Variants in PHACTR2 observed in about 807,000 individuals in gnomAD.
PHACTR2 encodes the protein chromosome 6 open reading frame 56.
A neutral mutation model predicts 76.0 loss-of-function variants in PHACTR2; 30 were observed. The ratio of observed to expected loss-of-function variants is 0.39; its 90% confidence interval spans 0.30 to 0.54. The LOEUF is 0.54. Among genes scored for constraint, PHACTR2 ranks in the 20% least tolerant of loss-of-function variants. PHACTR2 has a pLI of 0.61. For missense variants in PHACTR2, 696 were observed against 781.1 expected, an observed-to-expected ratio of 0.89 and a Z score of 1.30; for synonymous variants, 292 against 292.5, an observed-to-expected ratio of 1.00 and a Z score of 0.02.
At chr6:143,674,540 G>A (rs1367720569), upstream of PHACTR2, among the ~76,000 whole-genome samples, 1 of 151,946 alleles carries the variant, frequency 6.6e-6, no homozygotes, top group African/African-American at 2.4e-5. The surrounding 1 kb of genome is among the most constrained non-coding windows in gnomAD (Gnocchi z 4.9). Flanking sequence ...CTTGTATATG[G>A]CCACTATCAA....
At chr6:143,576,834 C>A (rs557312487) in intron 1 of PHACTR2, among the ~76,000 whole-genome samples, 26 of 139,258 alleles carry the variant, frequency 1.9e-4, no homozygotes, top group African/African-American at 6.2e-4. Context: ...CGAACTCGTA[C>A]CACTACACTC....
chr6:143,688,705 A>G lies in PHACTR2; in HGVS notation c.46+10496A>G, dbSNP rs1244288922. ...CTCTTCCCAAATATATCTCAAGTCC[A>G]TGCTCTTCCGTCTGTCCCTACTGCC... is the stretch of plus-strand genomic sequence containing the variant. On this transcript the variant is annotated intron_variant, in intron 1 of 12. Transcript: ENST00000440869. This position sits in a 1 kb window ranked among gnomAD's most constrained non-coding sequence, Gnocchi z 5.2. 6.6e-6 allele frequency among the ~76,000 whole-genome samples: 1 copy of G among 152,062 alleles called. No homozygotes were observed. The highest frequency in any genetic ancestry group is 2.4e-5 in the African/African-American group (1 of 41,412).
rs1775132999 is a variant in PHACTR2 at position 143,554,097 on chromosome 6, A to C, written c.217+16890A>C. 6.6e-6 allele frequency among the ~76,000 whole-genome samples: 1 copy of C among 152,178 alleles called. No individual in the cohort carries two copies. Among genetic ancestry groups the C allele is most frequent in the African/African-American group, 2.4e-5 (1 of 41,440 alleles). On this transcript the variant is annotated intron_variant, in intron 1 of 11. Transcript: ENST00000367584. The surrounding 1 kb of genome is among the most constrained non-coding windows in gnomAD (Gnocchi z 5.9). The stretch of plus-strand genomic sequence containing the variant: ...AGGGGCATCATGTTTTTTGATACAA[A>C]TGTAGAAAGCAAAGTTTGGGAGATA...
At chr6:143,715,266 C>T (rs759393575) in intron 2 of PHACTR2, among the ~76,000 whole-genome samples, 3 of 152,188 alleles carry the variant, frequency 2.0e-5, no homozygotes, top group Non-Finnish European at 4.4e-5. Context: ...CAAAAGCTAC[C>T]ATTGTCTTGT....
intron 2 of PHACTR2, among the ~76,000 whole-genome samples, chr6:143,740,503 T>C (rs1275338115): frequency 5.3e-4 from 4 of 7,488 alleles, no homozygotes; most frequent in African/African-American, 2.3e-3. Context: ...AAACATCCTT[T>C]TAATTAAAAA....
Position 143,777,447 on chromosome 6 carries a change from A to G in PHACTR2, c.1645+64A>G. ...CGCTAACAAGCTGCCTCTACAGATG[A>G]TCGATTTATCAGTAAGAAACCATCA... On this transcript the variant is annotated intron_variant, in intron 9 of 12. Coordinates refer to ENST00000440869, the MANE Select transcript of PHACTR2 (RefSeq NM_001100164.2). This position sits in a 1 kb window ranked among gnomAD's most constrained non-coding sequence, Gnocchi z 4.6. The G allele has an allele frequency of 1.3e-6, 1 of 778,864 alleles. No individual in the cohort carries two copies. The highest frequency in any genetic ancestry group is 2.1e-6 in the Non-Finnish European group (1 of 484,136). 48.2% of individuals were successfully genotyped at this position (778,864 alleles called of 1,614,324 possible). A position where few individuals can be genotyped will look rare whatever the true frequency, so the allele number is the denominator to read the frequency against.
Position 143,791,417 on chromosome 6 carries a change from C to A in PHACTR2, c.1845+2507C>A, listed in dbSNP as rs1379783279. 6.6e-6 allele frequency among the ~76,000 whole-genome samples: 1 copy of A among 152,150 alleles called. No individual in the cohort carries two copies. Among genetic ancestry groups the A allele is most frequent in the African/African-American group, 2.4e-5 (1 of 41,426 alleles). On this transcript the variant is annotated intron_variant, in intron 11 of 12. Coordinates refer to ENST00000440869, the MANE Select transcript of PHACTR2 (RefSeq NM_001100164.2). This position sits in a 1 kb window ranked among gnomAD's most constrained non-coding sequence, Gnocchi z 4.7. Reference sequence around the variant, plus strand: ...AACCTTGGCTACAAATTGGAATCACCTATAGATCTTTAAGAATGTGGATGT... The same window carrying A: ...AACCTTGGCTACAAATTGGAATCACATATAGATCTTTAAGAATGTGGATGT...
chr6:143,573,963 A>T (rs1052989523), intron 1 of PHACTR2, among the ~76,000 whole-genome samples: 3 of 152,216 alleles, frequency 2.0e-5, no homozygotes, highest in Non-Finnish European at 4.4e-5. Flanking sequence ...TGGCTGAAAC[A>T]AGTTACAGGT....
chr6:143,778,018 T>TA (rs1444193840), intron 9 of PHACTR2, among the ~76,000 whole-genome samples: 5 of 152,338 alleles, frequency 3.3e-5, no homozygotes, highest in South Asian at 4.1e-4. Flanking sequence ...GTTAGTATGT[T>TA]AAAGCTATAA....
At chr6:143,609,460 G>C (rs1271311759) in intron 1 of PHACTR2, among the ~76,000 whole-genome samples, 1 of 152,130 alleles carries the variant, frequency 6.6e-6, no homozygotes, top group Non-Finnish European at 1.5e-5. Flanking sequence ...CAAGTGTAAG[G>C]ATGTGTGTGT....
At chr6:143,805,765 T>C (rs1258724897) in intron 11 of PHACTR2, among the ~76,000 whole-genome samples, 1 of 152,188 alleles carries the variant, frequency 6.6e-6, no homozygotes, top group Non-Finnish European at 1.5e-5. Flanking sequence ...CCATAGAAAC[T>C]ACAGGGGCTG....
intron 1 of PHACTR2, among the ~76,000 whole-genome samples, chr6:143,579,680 A>T (rs1432007107): frequency 6.6e-6 from 1 of 152,074 alleles, no homozygotes; most frequent in Non-Finnish European, 1.5e-5. Flanking sequence ...GGTGGCCTGG[A>T]GGAGAAGACC....
chr6:143,692,864 A>C (rs995233277), intron 1 of PHACTR2, among the ~76,000 whole-genome samples: 16 of 152,240 alleles, frequency 1.1e-4, no homozygotes, highest in Non-Finnish European at 2.1e-4. Flanking sequence ...ACCATACCAC[A>C]GACTGAGTGG....
chr6:143,548,087 A>G lies in PHACTR2; in HGVS notation c.217+10880A>G, dbSNP rs1231459401. The stretch of plus-strand genomic sequence containing the variant: ...CTCTTATTATGTCTCACAGTTCTGG[A>G]GGCTGGAAGTTCAAGATCAAGACAC... On this transcript the variant is annotated intron_variant, in intron 1 of 11. Coordinates refer to the PHACTR2 transcript ENST00000367584. The surrounding 1 kb of genome is among the most constrained non-coding windows in gnomAD (Gnocchi z 4.5). Among the ~76,000 whole-genome samples the G allele has an allele frequency of 2.0e-5, 3 of 152,152 alleles. No individual in the cohort carries two copies. The highest frequency in any genetic ancestry group is 1.3e-4 in the Admixed American group (2 of 15,266).
At position 143,734,385 on chromosome 6, in the gene PHACTR2, T is replaced by A. The variant is rs184834441; in HGVS notation, c.215-14600T>A. On this transcript the variant is annotated intron_variant, in intron 2 of 12. Coordinates refer to ENST00000440869, the MANE Select transcript of PHACTR2 (RefSeq NM_001100164.2). ...ACATTCTGGAAAAAGTGGGATATTGTGTTTAATCCAAGCCGAGCTCTGGAT... is the reference window on the plus strand; with the variant it reads ...ACATTCTGGAAAAAGTGGGATATTGAGTTTAATCCAAGCCGAGCTCTGGAT... Among the ~76,000 whole-genome samples, 529 of 152,308 alleles carry A rather than the reference T, an allele frequency of 3.5e-3. 5 individuals carry two copies. Among genetic ancestry groups the A allele is most frequent in the Non-Finnish European group, 3.5e-3 (235 of 68,022 alleles).
In PHACTR2 at chr6:143,619,623, C is replaced by G. The variant is rs1043133505; in HGVS notation, c.13+11301C>G. Among the ~76,000 whole-genome samples the G allele has an allele frequency of 6.6e-6, 1 of 152,160 alleles. No homozygotes were observed. Among genetic ancestry groups the G allele is most frequent in the African/African-American group, 2.4e-5 (1 of 41,428 alleles). Reference sequence around the variant, plus strand: ...TTCCTCCACTTACTGTGGAAAGGGACTCGGTAGCTTTTGTATCATTAACTG... The same window carrying G: ...TTCCTCCACTTACTGTGGAAAGGGAGTCGGTAGCTTTTGTATCATTAACTG... On this transcript the variant is annotated intron_variant, in intron 1 of 11. Coordinates refer to the PHACTR2 transcript ENST00000305766. The surrounding 1 kb of genome is among the most constrained non-coding windows in gnomAD (Gnocchi z 4.5).
intron 1 of PHACTR2, 25 bp from the exon 2 acceptor site, chr6:143,711,991 T>C: frequency 6.2e-7 from 1 of 1,601,126 alleles, no homozygotes; most frequent in Non-Finnish European, 8.5e-7. Flanking sequence ...ACAACCTTTC[T>C]CTGTCTATAT....
intron 1 of PHACTR2, among the ~76,000 whole-genome samples, chr6:143,566,570 C>T (rs1439803846): frequency 6.6e-6 from 1 of 152,146 alleles, no homozygotes; most frequent in African/African-American, 2.4e-5. Flanking sequence ...TTCCAAAGTG[C>T]TTGGATTACA....
chr6:143,647,975 G>A lies in PHACTR2; in HGVS notation c.13+39653G>A, dbSNP rs976457166. On this transcript the variant is annotated intron_variant, in intron 1 of 11. Transcript: ENST00000305766. This position sits in a 1 kb window ranked among gnomAD's most constrained non-coding sequence, Gnocchi z 4.2. ...GGTTGGGCTTGGGGAAGTTGCCCCT[G>A]GCTGTGTGGCCGCAGTGGAAATAAG... Among the ~76,000 whole-genome samples the A allele has an allele frequency of 2.0e-5, 3 of 152,176 alleles. No individual in the cohort carries two copies. Among genetic ancestry groups the A allele is most frequent in the Non-Finnish European group, 4.4e-5 (3 of 68,034 alleles).
Sources: gnomAD v4.1 joint callset for allele counts (sites outside exome capture counted in the v4.1 genomes callset) on GRCh38, gnomAD v4.1.1 for gene constraint, Gnocchi (gnomAD v3.1) non-coding constraint, MANE v1.5 for transcripts, NCBI Gene and HGNC (gene_info 2026-07-23, HGNC 2026-07-21) for gene names.